CCR3: variants seen among roughly 807,000 people sequenced by gnomAD.
CCR3 encodes the protein C-C chemokine receptor type 3.
For missense variants in CCR3, 419 were observed against 437.5 expected (o/e 0.96, Z 0.38); for synonymous variants, 203 against 179.2 (o/e 1.13, Z -1.06).
chr3:46,225,486 T>C (rs1699884080), intron 2 of CCR3, among the ~76,000 whole-genome samples: 1 of 152,238 alleles, frequency 6.6e-6, no homozygotes, highest in African/African-American at 2.4e-5. Flanking sequence ...TGTAAGAAAG[T>C]GCCATGCTCT....
chr3:46,241,765 G>A (rs1309842025), upstream of CCR3, among the ~76,000 whole-genome samples: 1 of 152,106 alleles, frequency 6.6e-6, no homozygotes, highest in African/African-American at 2.4e-5. Flanking sequence ...CCCCATCCAA[G>A]TGTCTACTGG....
rs564178334 is a variant in CCR3, at chr3:46,251,231, C to T, written c.-12+8693C>T. Among the ~76,000 whole-genome samples the T allele has an allele frequency of 2.8e-4, 43 of 152,172 alleles. No homozygotes were observed. The East Asian group carries it at 7.0e-3, about 25-fold the overall frequency. On this transcript the variant is annotated intron_variant, in intron 1 of 1. Transcript: ENST00000395940. ...AAACGTGGGTGAATAATCAGAGAGG[C>T]GTCCCTGCAATGATTAAACACCAAG...
intron 1 of CCR3, 94 bp from the exon 2 acceptor site, chr3:46,265,054 A>T: frequency 1.3e-6 from 1 of 785,532 alleles, no homozygotes; most frequent in Non-Finnish European, 2.1e-6. Flanking sequence ...CACATGTGGC[A>T]TCTTTGTTGA....
At chr3:46,228,411 T>C (rs971508360) in intron 2 of CCR3, among the ~76,000 whole-genome samples, 1 of 152,220 alleles carries the variant, frequency 6.6e-6, no homozygotes, top group African/African-American at 2.4e-5. Flanking sequence ...TAACTTTCCC[T>C]ATCTCTTAGT....
intron 2 of CCR3, among the ~76,000 whole-genome samples, chr3:46,220,104 T>G (rs1461801891): frequency 6.6e-6 from 1 of 151,996 alleles, no homozygotes; most frequent in African/African-American, 2.4e-5. Context: ...GACAAAATGG[T>G]GAATATCCAG....
chr3:46,216,774 A>G (rs1223291258), intron 2 of CCR3, among the ~76,000 whole-genome samples: 1 of 152,244 alleles, frequency 6.6e-6, no homozygotes, highest in Non-Finnish European at 1.5e-5. Context: ...ATAAAGGAAG[A>G]TAAAGTATTT....
At chr3:46,243,511 G>A (rs1700134935) in intron 1 of CCR3, among the ~76,000 whole-genome samples, 2 of 152,074 alleles carry the variant, frequency 1.3e-5, no homozygotes, top group Admixed American at 6.6e-5. Context: ...GGGTGAATGA[G>A]ATTGTCTGTG....
chr3:46,233,792 C>T (rs1324863237), intron 2 of CCR3, among the ~76,000 whole-genome samples: 5 of 152,238 alleles, frequency 3.3e-5, no homozygotes, highest in Non-Finnish European at 5.9e-5. Context: ...TCACCTTTGG[C>T]TGAAGGGCAA....
chr3:46,246,396 G>A (rs2125928698), intron 1 of CCR3, among the ~76,000 whole-genome samples: 1 of 152,258 alleles, frequency 6.6e-6, no homozygotes, highest in African/African-American at 2.4e-5. Context: ...AGATAAGGGT[G>A]GGGCCGTTTT....
rs41324546 is a variant in CCR3 at position 46,253,180 on chromosome 3, C to T, written c.-12+10642C>T. Among the ~76,000 whole-genome samples, 341 of 152,282 alleles carry T rather than the reference C, an allele frequency of 2.2e-3. 1 individual carries two copies. Among genetic ancestry groups the T allele is most frequent in the African/African-American group, 7.9e-3 (330 of 41,552 alleles). On this transcript the variant is annotated intron_variant, in intron 1 of 1. Transcript: ENST00000395940. ...CCCTCTGGGGGAATCCCTTCTACCC[C>T]GTCCCTGATAGGAAGTCACTCAGCC...
upstream of CCR3, among the ~76,000 whole-genome samples, chr3:46,237,532 T>C (rs1375716745): frequency 6.6e-6 from 1 of 152,244 alleles, no homozygotes; most frequent in East Asian, 1.9e-4. Context: ...CTTGAAGCAT[T>C]TTCCCTATGT....
chr3:46,265,261 C>A lies in CCR3; in HGVS notation c.103C>A (p.Gln35Lys), dbSNP rs748489994. ...EKADTRALMA[Q>K]FVPPLYSLVF... ...AGCTGATACCAGAGCACTGATGGCC[C>A]AGTTTGTGCCCCCGCTGTACTCCCT... The change falls in exon 2 of 2, where the codon CAG becomes AAG. Residue 35 changes from glutamine (Q) to lysine (K), a missense_variant. Gln to Lys is a moderately conservative substitution (Grantham distance 53). Coordinates refer to ENST00000395940, the MANE Select transcript of CCR3 (RefSeq NM_178329.3). 6.2e-7 allele frequency: 1 copy of A among 1,613,902 alleles called. No homozygotes were observed. Among genetic ancestry groups the A allele is most frequent in the African/African-American group, 1.3e-5 (1 of 74,890 alleles).
In CCR3 at chr3:46,266,133, C is replaced by T. The variant is rs1047213245; in HGVS notation, c.975C>T (p.Gly325=). The T allele has an allele frequency of 1.2e-6, 2 of 1,614,068 alleles. No homozygotes were observed. The highest frequency in any genetic ancestry group is 1.7e-5 in the Admixed American group (1 of 60,022). Residue 325 remains glycine, a synonymous_variant, in exon 2 of 2, where the codon GGC becomes GGT. Transcript: ENST00000395940. ...FFHRHLLMHL[G]RYIPFLPSEK... is the part of the protein sequence containing the mutation. ...ACAGGCACTTGCTCATGCACCTGGG[C>T]AGATACATCCCATTCCTTCCTAGTG...
intron 1 of CCR3, among the ~76,000 whole-genome samples, chr3:46,253,281 C>T (rs1424242392): frequency 6.6e-6 from 1 of 152,158 alleles, no homozygotes; most frequent in African/African-American, 2.4e-5. Flanking sequence ...TAATTCTACT[C>T]AAGGTGTTCT....
chr3:46,266,392 C>A lies in CCR3; in HGVS notation c.*166C>A. ...CAGCAGTAGCAGTAGATGCATGTAC[C>A]CTAAGGTCATTACCACAGGCCAGGG... On this transcript the variant is annotated 3_prime_UTR_variant, in exon 2 of 2. Coordinates refer to ENST00000395940, the MANE Select transcript of CCR3 (RefSeq NM_178329.3). The A allele has an allele frequency of 1.7e-6, 1 of 592,848 alleles. No homozygotes were observed. The allele number at this position is 592,848 out of a possible 1,614,324, so 36.7% of individuals were successfully genotyped here.
chr3:46,236,242 A>G (rs1226843388), intron 2 of CCR3, among the ~76,000 whole-genome samples: 2 of 152,144 alleles, frequency 1.3e-5, no homozygotes, highest in Non-Finnish European at 2.9e-5. Flanking sequence ...GACCTCGTGG[A>G]AAGACATGAA....
intron 2 of CCR3, among the ~76,000 whole-genome samples, chr3:46,221,723 G>A (rs915009738): frequency 6.6e-6 from 1 of 152,140 alleles, no homozygotes; most frequent in African/African-American, 2.4e-5. Flanking sequence ...TTTTGAGCTT[G>A]CTTTCCTCCA....
intron 2 of CCR3, among the ~76,000 whole-genome samples, chr3:46,214,694 T>G (rs1054708017): frequency 5.9e-5 from 9 of 152,134 alleles, no homozygotes; most frequent in Admixed American, 1.3e-4. Context: ...CCAGATCCTC[T>G]GGGGAGACCA....
chr3:46,216,530 G>C (rs530802867), intron 2 of CCR3, among the ~76,000 whole-genome samples: 3 of 152,296 alleles, frequency 2.0e-5, no homozygotes, highest in African/African-American at 7.2e-5. Flanking sequence ...TCATCATCTA[G>C]GCACCTAGTC....
Sources: allele counts gnomAD v4.1 joint callset (sites outside exome capture counted in the v4.1 genomes callset), GRCh38; gene constraint gnomAD v4.1.1; transcripts MANE v1.5; gene names NCBI Gene and HGNC (gene_info 2026-07-23, HGNC 2026-07-21).